The following FRY variants were observed in gnomAD, a reference collection of about 807,000 sequenced individuals.
FRY encodes the protein FRY microtubule binding protein.
In FRY, 128 loss-of-function variants were observed where a neutral mutation model predicts 348.4. The observed-to-expected ratio is 0.37, with a 90% CI of 0.32 to 0.43. FRY has a LOEUF of 0.43. FRY is among the 20% of genes least tolerant of loss of function. The probability of loss-of-function intolerance (pLI) is 1.00; values close to 1 mark genes in which losing one functional copy is unlikely to be tolerated. For synonymous variants in FRY, 1,370 were observed against 1,374.7 expected, an observed-to-expected ratio of 1.00 and a Z score of 0.08; for missense variants, 2,736 against 3,695.2, an observed-to-expected ratio of 0.74 and a Z score of 6.73.
chr13:32,130,958 G>C (rs556335791), intron 7 of FRY, among the ~76,000 whole-genome samples: 14 of 152,082 alleles, frequency 9.2e-5, no homozygotes, highest in East Asian at 3.9e-4. Flanking sequence ...TGGGATTACA[G>C]GTGCGTGCCA....
Position 32,297,759 on chromosome 13 carries a change from G to A in FRY, c.*2299G>A, listed in dbSNP as rs553235180. 3.3e-5 allele frequency: 5 copies of A among 152,288 alleles called. No individual in the cohort carries two copies. Among genetic ancestry groups the A allele is most frequent in the African/African-American group, 1.2e-4 (5 of 41,558 alleles). The allele number at this position is 152,288 out of a possible 1,614,324, so 9.4% of individuals were successfully genotyped here. ...GTCAAATCTTGTCGGCTATTGCTCTGTGCCTCTGTTACAGAAGCATTAATG... is the reference window on the plus strand; with the variant it reads ...GTCAAATCTTGTCGGCTATTGCTCTATGCCTCTGTTACAGAAGCATTAATG... On this transcript the variant is annotated 3_prime_UTR_variant, in exon 61 of 61. Transcript: ENST00000542859.
chr13:32,276,467 C>G lies in FRY; in HGVS notation c.8290C>G (p.Leu2764Val). 6.4e-7 allele frequency: 1 copy of G among 1,558,352 alleles called. No individual in the cohort carries two copies. Among genetic ancestry groups the G allele is most frequent in the Non-Finnish European group, 8.9e-7 (1 of 1,129,156 alleles). The change falls in exon 57 of 61, where the codon CTT (leucine) becomes GTT (valine). Residue 2764 changes from leucine (L) to valine (V), a missense_variant. Transcript: ENST00000542859. ...CCAATTATTTTCCTGTCTTTAGCTC[C>G]TTTCATGTGGACTTCTGGACAAGCT... The part of the protein sequence containing the change: ...PTLFVDAETL[L>V]SCGLLDKLKF...
chr13:32,043,649 G>A (rs896424678), intron 1 of FRY, among the ~76,000 whole-genome samples: 1 of 152,176 alleles, frequency 6.6e-6, no homozygotes, highest in African/African-American at 2.4e-5. Flanking sequence ...TCTAGTGGGA[G>A]TAGAGTTATA....
At chr13:32,091,914 C>G (rs1191127395) in intron 2 of FRY, among the ~76,000 whole-genome samples, 2 of 152,140 alleles carry the variant, frequency 1.3e-5, no homozygotes, top group Non-Finnish European at 2.9e-5. Flanking sequence ...TTTCAAAGCC[C>G]ACACCCTTAA....
At chr13:32,225,124 C>G (rs1316078198) in intron 38 of FRY, 88 bp downstream of exon 38, 4 of 802,496 alleles carry the variant, frequency 5.0e-6, no homozygotes, top group Middle Eastern at 2.2e-4. Flanking sequence ...CATTGACATC[C>G]TGTTTGACTC....
At chr13:32,076,180 A>G (rs1190268805) in intron 1 of FRY, among the ~76,000 whole-genome samples, 1 of 152,166 alleles carries the variant, frequency 6.6e-6, no homozygotes, top group African/African-American at 2.4e-5. Context: ...TGTAGTTAAG[A>G]CTTTTAGGCC....
At chr13:32,064,545 C>G (rs1422824914) in intron 1 of FRY, among the ~76,000 whole-genome samples, 3 of 152,130 alleles carry the variant, frequency 2.0e-5, no homozygotes, top group African/African-American at 7.2e-5. Flanking sequence ...CTATTTTGTT[C>G]CCCCAGCAGA....
At position 32,218,724 on chromosome 13, in the gene FRY, A is replaced by T. The variant is rs767279167; in HGVS notation, c.4683-25A>T. On this transcript the variant is annotated intron_variant, in intron 35 of 60. Coordinates refer to ENST00000542859, the MANE Select transcript of FRY (RefSeq NM_023037.3). Reference sequence around the variant, plus strand: ...GCATATGCACACATGTTAATATTTCATTCTGGTTGTTCTTGTATTTGAAGG... The same window carrying T: ...GCATATGCACACATGTTAATATTTCTTTCTGGTTGTTCTTGTATTTGAAGG... The T allele has an allele frequency of 1.1e-5, 16 of 1,404,502 alleles. No homozygotes were observed. The African/African-American group carries it at 2.1e-4, about 19-fold the overall frequency. The allele number at this position is 1,404,502 out of a possible 1,614,324, so 87.0% of individuals were successfully genotyped here.
At chr13:32,084,601 T>C (rs1216429202) in intron 2 of FRY, among the ~76,000 whole-genome samples, 2 of 152,346 alleles carry the variant, frequency 1.3e-5, no homozygotes, top group East Asian at 3.9e-4. Flanking sequence ...TTCTTTACTT[T>C]ATCTAAGCTA....
Position 32,265,542 on chromosome 13 carries a change from C to T in FRY, c.7872C>T (p.Ser2624=), listed in dbSNP as rs74044966. 5.0e-4 allele frequency: 815 copies of T among 1,614,122 alleles called. 3 individuals are homozygous for T. The African/African-American group carries it at 9.2e-3, about 18-fold the overall frequency. The part of the protein sequence containing the change: ...INELPAAFEC[S]DSFSLDMTEG... ...AACTCCCAGCAGCTTTTGAATGCAG[C>T]GACAGCTTTAGCCTGGACATGACTG... is the stretch of plus-strand genomic sequence containing the variant. The change falls in exon 54 of 61, where the codon AGC becomes AGT. Residue 2624 remains serine (S), a synonymous_variant. Transcript: ENST00000542859.
intron 8 of FRY, 94 bp downstream of exon 8, chr13:32,131,934 G>A (rs1197838061): frequency 1.1e-6 from 1 of 946,570 alleles, no homozygotes; most frequent in Non-Finnish European, 1.7e-6. Flanking sequence ...CCAATTACTT[G>A]TCAATACGGA....
Position 32,281,544 on chromosome 13 carries a change from G to C in FRY, c.8469+2996G>C, listed in dbSNP as rs565630665. Among the ~76,000 whole-genome samples, 273 of 152,340 alleles carry C rather than the reference G, an allele frequency of 1.8e-3. 3 individuals carry two copies. The highest frequency in any genetic ancestry group is 6.8e-3 in the Middle Eastern group (2 of 294). ...GGAATGATGGAAGGGCAAATTCTGA[G>C]TCTGGTGTTTCCAATGTTTTTGCAA... On this transcript the variant is annotated intron_variant, in intron 58 of 60. Coordinates refer to ENST00000542859, the MANE Select transcript of FRY (RefSeq NM_023037.3).
chr13:32,239,492 AG>A lies in FRY; in HGVS notation c.6516+147del. 1.4e-6 allele frequency: 1 copy of A among 722,050 alleles called. No individual in the cohort carries two copies. Among genetic ancestry groups the A allele is most frequent in the Non-Finnish European group, 2.5e-6 (1 of 398,360 alleles). 44.7% of individuals were successfully genotyped at this position (722,050 alleles called of 1,614,324 possible). The stretch of plus-strand genomic sequence containing the variant: ...ACTAATATCACAGTAATGGAAATAT[AG>A]GGGTGGCTGATGCAAATTGTCTTGC... On this transcript the variant is annotated intron_variant, in intron 45 of 60. Transcript: ENST00000542859. The surrounding 1 kb of genome is among the most constrained non-coding windows in gnomAD (Gnocchi z 4.3).
At chr13:32,198,751 C>T (rs1000986197) in intron 29 of FRY, among the ~76,000 whole-genome samples, 3 of 152,142 alleles carry the variant, frequency 2.0e-5, no homozygotes, top group Non-Finnish European at 2.9e-5. Flanking sequence ...CATCATCTGG[C>T]GGTAGTTCCC....
intron 11 of FRY, among the ~76,000 whole-genome samples, chr13:32,143,731 G>C (rs1322337599): frequency 6.6e-6 from 1 of 152,158 alleles, no homozygotes; most frequent in Admixed American, 6.5e-5. Context: ...GTTTCTACTA[G>C]AAGAGAAGCT....
chr13:32,175,088 G>A (rs997169374), intron 19 of FRY, among the ~76,000 whole-genome samples: 1 of 152,040 alleles, frequency 6.6e-6, no homozygotes, highest in African/African-American at 2.4e-5. Context: ...GGTCAGTCTA[G>A]TTTCTTTGGG....
chr13:32,178,715 T>A, intron 21 of FRY, 129 bp from the exon 22 acceptor site: 1 of 743,638 alleles, frequency 1.3e-6, no homozygotes, highest in Admixed American at 2.1e-5. Flanking sequence ...ATGCAGATAC[T>A]CTTTGAATAA....
intron 17 of FRY, among the ~76,000 whole-genome samples, chr13:32,164,639 C>T (rs1881630184): frequency 6.6e-6 from 1 of 152,184 alleles, no homozygotes; most frequent in Non-Finnish European, 1.5e-5. Flanking sequence ...GTGTGAGAAC[C>T]TTTCCATGTG....
chr13:32,072,387 T>C (rs374240528), intron 1 of FRY, among the ~76,000 whole-genome samples: 1 of 152,354 alleles, frequency 6.6e-6, no homozygotes, highest in Non-Finnish European at 1.5e-5. Context: ...TTAAGAATCA[T>C]CTATCACTTC....
Sources: gnomAD v4.1 joint callset for allele counts (sites outside exome capture counted in the v4.1 genomes callset) on GRCh38, gnomAD v4.1.1 for gene constraint, Gnocchi (gnomAD v3.1) non-coding constraint, MANE v1.5 for transcripts, NCBI Gene and HGNC (gene_info 2026-07-23, HGNC 2026-07-21) for gene names.